The following XCR1 variants were observed in gnomAD, a reference collection of about 807,000 sequenced individuals.
XCR1 encodes the protein X-C motif chemokine receptor 1.
For synonymous variants in XCR1, 187 were observed against 188.5 expected (o/e 0.99, Z 0.06); for missense variants, 356 against 424.2 (o/e 0.84, Z 1.41).
Position 46,033,110 on chromosome 3 carries a change from C to T in XCR1, c.-31-11132G>A, listed in dbSNP as rs561230108. Among the ~76,000 whole-genome samples the T allele has an allele frequency of 5.3e-5, 8 of 151,030 alleles. No homozygotes were observed. The South Asian group carries it at 1.3e-3, about 24-fold the overall frequency. ...CTTTTAACAAGGTTTTTTTTTGTAGCGCAAAAGTTTTAAATTGTAATAAAG... is the reference window on the plus strand; with the variant it reads ...CTTTTAACAAGGTTTTTTTTTGTAGTGCAAAAGTTTTAAATTGTAATAAAG... On this transcript the variant is annotated intron_variant, in intron 5 of 5. Coordinates refer to the XCR1 transcript ENST00000683768.
chr3:46,032,189 G>A (rs916134274), upstream of XCR1, among the ~76,000 whole-genome samples: 40 of 152,226 alleles, frequency 2.6e-4, no homozygotes, highest in Admixed American at 1.4e-3. Flanking sequence ...CCATATGGGC[G>A]AAGAGGAGAG....
chr3:46,047,745 G>A (rs548469792), intron 5 of XCR1, among the ~76,000 whole-genome samples: 1 of 152,236 alleles, frequency 6.6e-6, no homozygotes, highest in African/African-American at 2.4e-5. Flanking sequence ...TTGGATGCCA[G>A]TGTTGTATAA....
intron 3 of XCR1, among the ~76,000 whole-genome samples, chr3:46,068,650 C>G (rs181535232): frequency 2.1e-4 from 32 of 152,236 alleles, no homozygotes; most frequent in African/African-American, 7.7e-4. Context: ...CCGAGCCAAC[C>G]TGATATTTTT....
intron 1 of XCR1, among the ~76,000 whole-genome samples, chr3:46,077,447 A>G (rs759240789): frequency 2.6e-5 from 4 of 151,906 alleles, no homozygotes; most frequent in Non-Finnish European, 5.9e-5. Flanking sequence ...GTTGCAGGAA[A>G]ACAAGCTCAG....
chr3:46,027,849 A>C (rs2125894954), upstream of XCR1: 1 of 152,110 alleles, frequency 6.6e-6, no homozygotes, highest in African/African-American at 2.4e-5. Flanking sequence ...TTTAACATAT[A>C]CCTATCTTTC....
Position 46,021,558 on chromosome 3 carries a change from C to T in XCR1, c.390G>A (p.Ser130=), listed in dbSNP as rs761886960. 1.2e-5 allele frequency: 20 copies of T among 1,610,234 alleles called. No individual in the cohort carries two copies. The East Asian group carries it at 1.6e-4, about 13-fold the overall frequency. ...GCAGGGTGGAGAGGGGGCTCACTAC[C>T]GACAGGTAGCGGTGGATGGTCATGA... is the stretch of plus-strand genomic sequence containing the variant. ...LTIMTIHRYL[S]VVSPLSTLRV... Residue 130 remains serine (S), a synonymous_variant, in exon 2 of 2, where the codon TCG becomes TCA. Transcript: ENST00000309285. This position sits in a 1 kb window ranked among gnomAD's most constrained non-coding sequence, Gnocchi z 4.7.
intron 5 of XCR1, among the ~76,000 whole-genome samples, chr3:46,043,721 C>CACACACACAT (rs1405755691): frequency 1.9e-3 from 93 of 50,236 alleles, no homozygotes; most frequent in African/African-American, 0.014. Context: ...CATCTCTACA[C>CACACACACAT]ACACACACAC....
At chr3:46,061,929 G>A (rs1697970714) in intron 4 of XCR1, among the ~76,000 whole-genome samples, 1 of 152,108 alleles carries the variant, frequency 6.6e-6, no homozygotes, top group Non-Finnish European at 1.5e-5. Context: ...TGAAGAGTCT[G>A]GCATAGAAGG....
upstream of XCR1, among the ~76,000 whole-genome samples, chr3:46,031,844 G>A (rs943863919): frequency 2.0e-5 from 3 of 152,202 alleles, no homozygotes; most frequent in African/African-American, 7.2e-5. Context: ...GGGATGACCT[G>A]TCTAAGAGAG....
In XCR1 at chr3:46,021,880, T is replaced by C; in HGVS notation, c.68A>G (p.Glu23Gly). Residue 23 changes from glutamate (E) to glycine (G), a missense_variant, in exon 2 of 2, where the codon GAG (glutamate) becomes GGG (glycine). Transcript: ENST00000309285. This position sits in a 1 kb window ranked among gnomAD's most constrained non-coding sequence, Gnocchi z 4.7. The stretch of plus-strand genomic sequence containing the variant: ...GGTAGCAAAGACCCAGGCCTGGTTC[T>C]CACACGGCTGGCTCTGAAGGTCATA... ...FYYDLQSQPCENQAWVFATLA... is the reference protein window; with the variant it reads ...FYYDLQSQPCGNQAWVFATLA... The C allele has an allele frequency of 6.2e-7, 1 of 1,614,100 alleles. No homozygotes were observed. Among genetic ancestry groups the C allele is most frequent in the Non-Finnish European group, 8.5e-7 (1 of 1,180,034 alleles).
chr3:46,042,391 T>C lies in XCR1; in HGVS notation c.-32+11529A>G, dbSNP rs181738794. 1.8e-3 allele frequency among the ~76,000 whole-genome samples: 275 copies of C among 151,940 alleles called. 1 individual carries two copies. Among genetic ancestry groups the C allele is most frequent in the Non-Finnish European group, 3.4e-3 (232 of 67,938 alleles). On this transcript the variant is annotated intron_variant, in intron 5 of 5. Transcript: ENST00000683768. Reference sequence around the variant, plus strand: ...ATAAACAGAATCAAAGTTTGCTCTTTAAAAAAAATTGACAAATATTTAGCT... The same window carrying C: ...ATAAACAGAATCAAAGTTTGCTCTTCAAAAAAAATTGACAAATATTTAGCT...
At chr3:46,085,240 G>A (rs1176577850) in intron 1 of XCR1, among the ~76,000 whole-genome samples, 4 of 148,198 alleles carry the variant, frequency 2.7e-5, no homozygotes, top group Non-Finnish European at 5.9e-5. Flanking sequence ...TTCCATCACC[G>A]CAAACACAAC....
At chr3:46,036,229 A>G (rs1697428593) in intron 5 of XCR1, among the ~76,000 whole-genome samples, 1 of 152,176 alleles carries the variant, frequency 6.6e-6, no homozygotes, top group Admixed American at 6.5e-5. Context: ...AATAGGTTCC[A>G]GGTGGTTTTC....
intron 4 of XCR1, among the ~76,000 whole-genome samples, chr3:46,064,910 G>A (rs1575435688): frequency 6.6e-6 from 1 of 152,068 alleles, no homozygotes; most frequent in Non-Finnish European, 1.5e-5. Context: ...TGACCAACAT[G>A]GAGAAACCCC....
Position 46,021,666 on chromosome 3 carries a change from G to T in XCR1, c.282C>A (p.Gly94=), listed in dbSNP as rs758133027. ...LPVWISPYHW[G]WVLGDFLCKL... ...TGCAGAGGAAGTCTCCCAGCACCCA[G>T]CCCCAGTGGTATGGGGAGATCCACA... Residue 94 remains glycine (G), a synonymous_variant, in exon 2 of 2, where the codon GGC becomes GGA. Coordinates refer to ENST00000309285, the MANE Select transcript of XCR1 (RefSeq NM_001024644.2). This position sits in a 1 kb window ranked among gnomAD's most constrained non-coding sequence, Gnocchi z 4.7. 4.3e-5 allele frequency: 69 copies of T among 1,608,140 alleles called. No homozygotes were observed. The South Asian group carries it at 7.5e-4, about 17-fold the overall frequency.
At chr3:46,049,092 T>C (rs1697690787) in intron 5 of XCR1, among the ~76,000 whole-genome samples, 1 of 152,206 alleles carries the variant, frequency 6.6e-6, no homozygotes, top group South Asian at 2.1e-4. Context: ...GTCTCACCTG[T>C]TTGGCACATA....
chr3:46,062,193 A>G (rs1007808122), intron 4 of XCR1, among the ~76,000 whole-genome samples: 20 of 152,284 alleles, frequency 1.3e-4, no homozygotes, highest in South Asian at 6.2e-4. Context: ...GGGGAGATGC[A>G]GGCCTCCTGG....
At chr3:46,068,294 AATTT>A (rs1367994612) in intron 3 of XCR1, among the ~76,000 whole-genome samples, 1 of 152,080 alleles carries the variant, frequency 6.6e-6, no homozygotes. Context: ...CATTGGGTGC[AATTT>A]TGCCACGTCT....
intron 5 of XCR1, among the ~76,000 whole-genome samples, chr3:46,042,131 G>A (rs1380999542): frequency 6.6e-6 from 1 of 152,162 alleles, no homozygotes; most frequent in Non-Finnish European, 1.5e-5. Flanking sequence ...TGAGTGAAAA[G>A]AAAAACGCAT....
Sources: allele counts gnomAD v4.1 joint callset (sites outside exome capture counted in the v4.1 genomes callset), GRCh38; gene constraint gnomAD v4.1.1; non-coding constraint Gnocchi (gnomAD v3.1); transcripts MANE v1.5; gene names NCBI Gene and HGNC (gene_info 2026-07-23, HGNC 2026-07-21).